Variants in ANKRD36C observed in about 807,000 individuals in gnomAD.
ANKRD36C encodes ankyrin repeat domain 36C, also known as ankyrin repeat domain-containing protein 36C.
A neutral mutation model predicts 276.4 loss-of-function variants in ANKRD36C; 61 were observed. The ratio of observed to expected loss-of-function variants is 0.22; its 90% CI spans 0.18 to 0.27. ANKRD36C has a LOEUF of 0.27. Ranked by LOEUF, ANKRD36C falls within the 10% of genes least tolerant of loss-of-function variation. The probability of loss-of-function intolerance (pLI) is 1.00; values close to 1 mark genes in which losing one functional copy is unlikely to be tolerated. For missense variants in ANKRD36C, 1,447 were observed against 2,032.3 expected, an observed-to-expected ratio of 0.71 and a Z score of 5.54; for synonymous variants, 483 against 680.1, an observed-to-expected ratio of 0.71 and a Z score of 4.51.
At chr2:95,891,971 G>A (rs1370274940) in intron 44 of ANKRD36C, 111 bp from the exon 65 acceptor site, 2 of 1,505,538 alleles carry the variant, frequency 1.3e-6, no homozygotes, top group Non-Finnish European at 1.8e-6. Flanking sequence ...ATTAGCGTAG[G>A]CTTTGATGGC....
At chr2:95,867,665 C>A in intron 59 of ANKRD36C, 84 bp from the exon 80 acceptor site, 1 of 1,539,834 alleles carries the variant, frequency 6.5e-7, no homozygotes, top group Non-Finnish European at 8.8e-7. Flanking sequence ...AATTGCCCAT[C>A]TGTTTATATG....
exon 63 of ANKRD36C, chr2:95,855,776 T>C: frequency 6.2e-7 from 1 of 1,613,920 alleles, no homozygotes; most frequent in South Asian, 1.1e-5. Context: ...ATTTATCTAC[T>C]GTGCCCTGGA....
At chr2:95,933,518 A>G (rs549197256) in intron 24 of ANKRD36C, among the ~76,000 whole-genome samples, 1 of 152,262 alleles carries the variant, frequency 6.6e-6, no homozygotes, top group East Asian at 1.9e-4. Context: ...ATTCCTAGGT[A>G]TTTTATTCTC....
intron 6 of ANKRD36C, among the ~76,000 whole-genome samples, chr2:95,968,818 C>T (rs1003273488): frequency 6.6e-6 from 1 of 152,098 alleles, no homozygotes; most frequent in African/African-American, 2.4e-5. Flanking sequence ...TCCCAGGACC[C>T]CCTCTTTGGT....
At chr2:95,870,459 C>T (rs1424035614) in intron 59 of ANKRD36C, among the ~76,000 whole-genome samples, 2 of 152,218 alleles carry the variant, frequency 1.3e-5, no homozygotes, top group East Asian at 3.8e-4. Flanking sequence ...AGGGTTCTCT[C>T]TGGTAGAAGG....
chr2:95,948,602 G>A lies in ANKRD36C; in HGVS notation c.1296-6C>T, dbSNP rs1412399063. 100 of 1,534,154 alleles carry A rather than the reference G, an allele frequency of 6.5e-5. 1 individual carries two copies. In the East Asian group the frequency reaches 1.8e-3, roughly 27 times the overall value. On this transcript the variant is annotated splice_polypyrimidine_tract_variant and splice_region_variant and intron_variant, in intron 16 of 66. Coordinates refer to ENST00000456556, the Ensembl canonical transcript of ANKRD36C. Reference sequence around the variant, plus strand: ...GGTCCAGTAGGTAGAGACACCTACAGAGCAAAAAGATATGAAAAAAATGAG... The same window carrying A: ...GGTCCAGTAGGTAGAGACACCTACAAAGCAAAAAGATATGAAAAAAATGAG...
intron 6 of ANKRD36C, among the ~76,000 whole-genome samples, chr2:95,964,216 C>T (rs904585508): frequency 1.3e-5 from 2 of 150,450 alleles, no homozygotes; most frequent in African/African-American, 2.4e-5. Flanking sequence ...GATTAAGCTG[C>T]AACCCAATAT....
exon 8 of ANKRD36C, chr2:95,962,414 C>G (rs775860206): frequency 6.4e-7 from 1 of 1,571,860 alleles, no homozygotes; most frequent in African/African-American, 1.4e-5. Context: ...ATCTTCCTTG[C>G]CACTTGTAGC....
At chr2:95,875,627 AT>A (rs1675932450) in intron 59 of ANKRD36C, among the ~76,000 whole-genome samples, 1 of 152,092 alleles carries the variant, frequency 6.6e-6, no homozygotes, top group Non-Finnish European at 1.5e-5. Flanking sequence ...ACGTGTATAC[AT>A]ATGTAACTAA....
intron 46 of ANKRD36C, 84 bp downstream of exon 66, chr2:95,891,581 C>A: frequency 6.8e-7 from 1 of 1,461,992 alleles, no homozygotes; most frequent in Non-Finnish European, 9.2e-7. Context: ...GCAGCTTCAA[C>A]GAACCCCCCG....
At chr2:95,978,903 G>A (rs1420736965) in intron 5 of ANKRD36C, among the ~76,000 whole-genome samples, 2 of 152,024 alleles carry the variant, frequency 1.3e-5, no homozygotes, top group Admixed American at 1.3e-4. Flanking sequence ...AAAACTAACA[G>A]ATGTCAAGAT....
intron 1 of ANKRD36C, among the ~76,000 whole-genome samples, chr2:95,990,770 T>C (rs189186244): frequency 2.3e-3 from 348 of 152,296 alleles, no homozygotes; most frequent in African/African-American, 7.9e-3. Flanking sequence ...TGATATCAAA[T>C]AAATATTGGA....
intron 6 of ANKRD36C, among the ~76,000 whole-genome samples, chr2:95,972,335 G>T (rs909425033): frequency 7.2e-5 from 11 of 152,208 alleles, no homozygotes; most frequent in Admixed American, 1.3e-4. Flanking sequence ...ATAAGAACCT[G>T]GGATACTGTG....
chr2:95,977,470 G>A (rs1678835802), intron 6 of ANKRD36C, among the ~76,000 whole-genome samples: 1 of 151,958 alleles, frequency 6.6e-6, no homozygotes, highest in Non-Finnish European at 1.5e-5. Context: ...GCAAGAAAAA[G>A]ACCAACATTT....
chr2:95,926,671 T>A (rs1051423445), intron 28 of ANKRD36C, among the ~76,000 whole-genome samples: 1 of 151,524 alleles, frequency 6.6e-6, no homozygotes, highest in Non-Finnish European at 1.5e-5. Flanking sequence ...TTTACAAAAA[T>A]GTTTGAATAT....
chr2:95,983,904 C>A (rs1678973641), intron 3 of ANKRD36C, among the ~76,000 whole-genome samples: 1 of 151,758 alleles, frequency 6.6e-6, no homozygotes, highest in South Asian at 2.1e-4. Context: ...GCGTGAGCCA[C>A]TGCGCTCGGC....
chr2:95,911,543 C>T (rs1228351189), intron 42 of ANKRD36C, among the ~76,000 whole-genome samples: 1 of 151,432 alleles, frequency 6.6e-6, no homozygotes, highest in African/African-American at 2.4e-5. Flanking sequence ...ATTTCTATAA[C>T]TAAAATCAAC....
At chr2:95,864,063 T>G (rs1028607402) in intron 60 of ANKRD36C, among the ~76,000 whole-genome samples, 2 of 151,964 alleles carry the variant, frequency 1.3e-5, no homozygotes, top group African/African-American at 4.8e-5. Context: ...GCTAAACATG[T>G]ATTGGATTGG....
At chr2:95,948,380 C>T (rs1290630804) in intron 17 of ANKRD36C, 150 bp downstream of exon 17, 25 of 694,548 alleles carry the variant, frequency 3.6e-5, no homozygotes, top group Non-Finnish European at 5.0e-5. Context: ...AAATTAACCC[C>T]CCCTATTTCT....
Sources: allele counts gnomAD v4.1 joint callset (sites outside exome capture counted in the v4.1 genomes callset), GRCh38; gene constraint gnomAD v4.1.1; transcripts MANE v1.5; gene names NCBI Gene and HGNC (gene_info 2026-07-23, HGNC 2026-07-21).